The following ZNF761 variants were observed in gnomAD, a reference collection of about 807,000 sequenced individuals.
ZNF761 encodes zinc finger protein 761.
Under a neutral mutation model 59.9 loss-of-function variants are expected in ZNF761, and 43 were observed. The observed-to-expected ratio is 0.72, with a 90% CI of 0.56 to 0.92. The LOEUF (loss-of-function observed/expected upper bound fraction) is 0.92. Ranked by LOEUF, ZNF761 falls within the 40% of genes least tolerant of loss-of-function variation. The pLI, the probability that ZNF761 is intolerant of heterozygous loss-of-function variation, is 0.00. For synonymous variants in ZNF761, 294 were observed against 304.8 expected, an observed-to-expected ratio of 0.96 and a Z score of 0.37; for missense variants, 850 against 906.1, an observed-to-expected ratio of 0.94 and a Z score of 0.79.
intron 1 of ZNF761, among the ~76,000 whole-genome samples, chr19:53,433,071 T>G (rs896601477): frequency 8.9e-5 from 11 of 123,360 alleles, no homozygotes; most frequent in Non-Finnish European, 1.0e-4. Context: ...AAGAGAGAAT[T>G]TAACGGGGAG....
In ZNF761 at chr19:53,455,572, G is replaced by T; in HGVS notation, c.1065G>T (p.Lys355Asn). Reference sequence around the variant, plus strand: ...TTCATACTGGAGAGAAACCTTACAAGTGTAATGAGTGTGGCAAGACCTTTA... The same window carrying T: ...TTCATACTGGAGAGAAACCTTACAATTGTAATGAGTGTGGCAAGACCTTTA... ...HRLHTGEKPY[K>N]CNECGKTFSH... Residue 355 changes from lysine to asparagine, a missense_variant, in exon 5 of 5, where the codon AAG becomes AAT. Physicochemically the swap from Lys to Asn is moderately conservative, Grantham distance 94 (BLOSUM62 0). Transcript: ENST00000684525. 6.2e-7 allele frequency: 1 copy of T among 1,612,958 alleles called. No individual in the cohort carries two copies. Among genetic ancestry groups the T allele is most frequent in the Non-Finnish European group, 8.5e-7 (1 of 1,179,732 alleles).
At chr19:53,438,815 T>C (rs1472545464) in intron 1 of ZNF761, among the ~76,000 whole-genome samples, 1 of 152,178 alleles carries the variant, frequency 6.6e-6, no homozygotes, top group Non-Finnish European at 1.5e-5. Flanking sequence ...TTTTGATATT[T>C]TGTAACTTGC....
Position 53,455,286 on chromosome 19 carries a change from A to G in ZNF761, c.779A>G (p.His260Arg). 1.2e-6 allele frequency: 2 copies of G among 1,614,224 alleles called. No homozygotes were observed. The highest frequency in any genetic ancestry group is 1.7e-6 in the Non-Finnish European group (2 of 1,180,050). The change falls in exon 5 of 5, where the codon CAT becomes CGT. Residue 260 changes from histidine (H) to arginine (R), a missense_variant. His to Arg is a conservative substitution (Grantham distance 29). Coordinates refer to ENST00000684525, the MANE Select transcript of ZNF761 (RefSeq NM_001289951.2). ...LFNQKRNLAC[H>R]RRCHTGENPY... ...AATCAGAAGCGAAACCTAGCATGCCATCGTAGATGTCACACTGGTGAGAAT... is the reference window on the plus strand; with the variant it reads ...AATCAGAAGCGAAACCTAGCATGCCGTCGTAGATGTCACACTGGTGAGAAT...
At chr19:53,451,853 C>T (rs1298325881) in intron 4 of ZNF761, among the ~76,000 whole-genome samples, 2 of 151,446 alleles carry the variant, frequency 1.3e-5, no homozygotes, top group Non-Finnish European at 2.9e-5. Context: ...TCCCAAAGTG[C>T]TGGGATTACA....
At chr19:53,440,644 T>C (rs1313510840) in intron 1 of ZNF761, among the ~76,000 whole-genome samples, 1 of 151,938 alleles carries the variant, frequency 6.6e-6, no homozygotes, top group East Asian at 1.9e-4. Context: ...GAAAAAAATC[T>C]ATTTCTGTTA....
rs1196942937 is a variant in ZNF761, at chr19:53,457,570, T to C, written c.*822T>C. 3.0e-6 allele frequency: 1 copy of C among 335,594 alleles called. No homozygotes were observed. Among genetic ancestry groups the C allele is most frequent in the Non-Finnish European group, 6.0e-6 (1 of 167,450 alleles). The allele number at this position is 335,594 out of a possible 1,614,324, so 20.8% of individuals were successfully genotyped here. On this transcript the variant is annotated 3_prime_UTR_variant, in exon 5 of 5. Transcript: ENST00000684525. Reference sequence around the variant, plus strand: ...GAAAATTCATTTTGGAGGTAGTTGGTCCATATGCAATGAGTAGAGCAAACC... The same window carrying C: ...GAAAATTCATTTTGGAGGTAGTTGGCCCATATGCAATGAGTAGAGCAAACC...
At position 53,455,859 on chromosome 19, in the gene ZNF761, C is replaced by T; in HGVS notation, c.1352C>T (p.Ser451Leu). Residue 451 changes from serine (S) to leucine (L), a missense_variant, in exon 5 of 5, where the codon TCA (serine) becomes TTA (leucine). Transcript: ENST00000684525. ...TGTGGAAAGACCTTTAGCCGGACAT[C>T]ATCCCTTACATGCCATCGTAGACGT... ...NECGKTFSRT[S>L]SLTCHRRRHT... 2.5e-6 allele frequency: 4 copies of T among 1,613,798 alleles called. No individual in the cohort carries two copies. The highest frequency in any genetic ancestry group is 2.5e-6 in the Non-Finnish European group (3 of 1,179,904).
rs1462154744 is a variant in ZNF761, at chr19:53,457,125, C to T, written c.*377C>T. 56 of 535,494 alleles carry T rather than the reference C, an allele frequency of 1.0e-4. No individual in the cohort carries two copies. Among genetic ancestry groups the T allele is most frequent in the Admixed American group, 2.1e-4 (9 of 41,888 alleles). The allele number at this position is 535,494 out of a possible 1,614,324, so 33.2% of individuals were successfully genotyped here. On this transcript the variant is annotated 3_prime_UTR_variant, in exon 5 of 5. Coordinates refer to ENST00000684525, the MANE Select transcript of ZNF761 (RefSeq NM_001289951.2). ...TAGTAGGCAGTCAACACTTGTTTAC[C>T]GTCAGGCAATCCATGGTGTAGGGAA... is the stretch of plus-strand genomic sequence containing the variant.
intron 1 of ZNF761, among the ~76,000 whole-genome samples, chr19:53,434,047 C>G (rs577674911): frequency 1.1e-3 from 170 of 152,286 alleles, no homozygotes; most frequent in African/African-American, 3.8e-3. Flanking sequence ...GATGGCATTT[C>G]TCGTTTTTGT....
At chr19:53,442,169 G>C in intron 1 of ZNF761, 1 of 1,131,696 alleles carries the variant, frequency 8.8e-7, no homozygotes, top group Non-Finnish European at 1.3e-6. Flanking sequence ...AAAAGATGAA[G>C]AAGATGGAAC....
chr19:53,445,198 A>T (rs1410493762), intron 1 of ZNF761: 3 of 151,304 alleles, frequency 2.0e-5, no homozygotes, highest in Non-Finnish European at 4.4e-5. Context: ...TCTACAGCTG[A>T]CCCTCTTTCG....
chr19:53,453,297 G>A (rs771007273), intron 4 of ZNF761, among the ~76,000 whole-genome samples: 12 of 152,120 alleles, frequency 7.9e-5, no homozygotes, highest in Non-Finnish European at 1.6e-4. Flanking sequence ...CCGGCTGTTA[G>A]TCAATTCTTA....
In ZNF761 at chr19:53,450,120, T is replaced by G. The variant is rs547236337; in HGVS notation, c.142+482T>G. ...GCGATCGAGACCAGCCCGGCCAACATGGTGAAACCCCGTCTCTACTAAAAA... is the reference window on the plus strand; with the variant it reads ...GCGATCGAGACCAGCCCGGCCAACAGGGTGAAACCCCGTCTCTACTAAAAA... On this transcript the variant is annotated intron_variant, in intron 4 of 4. Coordinates refer to ENST00000684525, the MANE Select transcript of ZNF761 (RefSeq NM_001289951.2). 423 of 268,258 alleles carry G rather than the reference T, an allele frequency of 1.6e-3. 1 individual carries two copies. The highest frequency in any genetic ancestry group is 5.9e-3 in the African/African-American group (265 of 44,878). The allele number at this position is 268,258 out of a possible 1,614,324, so 16.6% of individuals were successfully genotyped here.
intron 2 of ZNF761, 57 bp from the exon 3 acceptor site, chr19:53,447,139 T>G: frequency 8.2e-7 from 1 of 1,213,342 alleles, no homozygotes; most frequent in Non-Finnish European, 1.2e-6. Flanking sequence ...TGTGGTTGTG[T>G]TCCACGGAGG....
At chr19:53,436,544 A>T (rs1429269226) in intron 1 of ZNF761, among the ~76,000 whole-genome samples, 1 of 152,326 alleles carries the variant, frequency 6.6e-6, no homozygotes, top group East Asian at 1.9e-4. Flanking sequence ...CTTATCTCAG[A>T]TGAGTTTCTT....
At chr19:53,440,200 A>G (rs2086084671) in intron 1 of ZNF761, among the ~76,000 whole-genome samples, 1 of 152,042 alleles carries the variant, frequency 6.6e-6, no homozygotes, top group South Asian at 2.1e-4. Flanking sequence ...ATGATGGTGC[A>G]CACCTGTGCT....
chr19:53,439,271 A>C (rs2086074132), intron 1 of ZNF761, among the ~76,000 whole-genome samples: 1 of 15,502 alleles, frequency 6.5e-5, no homozygotes. Context: ...ACTCTGACTC[A>C]AAAAAAAAAA....
chr19:53,435,489 A>G (rs924873486), intron 1 of ZNF761, among the ~76,000 whole-genome samples: 9 of 151,716 alleles, frequency 5.9e-5, no homozygotes, highest in African/African-American at 2.2e-4. Context: ...TTTTTATTCA[A>G]TACGGGGTTC....
At chr19:53,433,094 G>A (rs112855914) in intron 1 of ZNF761, among the ~76,000 whole-genome samples, 3,684 of 150,932 alleles carry the variant, frequency 0.024, 62 homozygotes, top group Middle Eastern at 0.048. Context: ...CAAAGGAGGC[G>A]CAGAGATGGT....
Sources: gnomAD v4.1 joint callset for allele counts (sites outside exome capture counted in the v4.1 genomes callset) on GRCh38, gnomAD v4.1.1 for gene constraint, MANE v1.5 for transcripts, NCBI Gene and HGNC (gene_info 2026-07-23, HGNC 2026-07-21) for gene names.